CLSTN2: variants seen among roughly 807,000 people sequenced by gnomAD.
The protein encoded by CLSTN2 is calsyntenin-2.
A neutral mutation model predicts 101.2 loss-of-function variants in CLSTN2; 48 were observed. That is an observed-to-expected ratio of 0.47 (90% CI 0.38 to 0.60). The LOEUF is 0.60. Ranked by LOEUF, CLSTN2 falls within the 20% of genes least tolerant of loss-of-function variation. The pLI, the probability that CLSTN2 is intolerant of heterozygous loss-of-function variation, is 0.00. For missense variants in CLSTN2, 1,160 were observed against 1,238.2 expected (o/e 0.94, Z 0.95); for synonymous variants, 481 against 463.6 (o/e 1.04, Z -0.48).
At chr3:140,326,379 G>C (rs2087332361) in intron 2 of CLSTN2, among the ~76,000 whole-genome samples, 1 of 152,186 alleles carries the variant, frequency 6.6e-6, no homozygotes, top group Non-Finnish European at 1.5e-5. Context: ...GCTCTTATCT[G>C]TTGTATGCCT....
chr3:140,436,819 C>A (rs2088692492), intron 5 of CLSTN2, among the ~76,000 whole-genome samples: 1 of 152,210 alleles, frequency 6.6e-6, no homozygotes, highest in African/African-American at 2.4e-5. Flanking sequence ...AAAATGTGAA[C>A]TCACTTTCAG....
At chr3:140,074,673 A>G (rs932751190) in intron 1 of CLSTN2, among the ~76,000 whole-genome samples, 2 of 152,318 alleles carry the variant, frequency 1.3e-5, no homozygotes, top group Admixed American at 6.5e-5. Context: ...AAACAGAGGC[A>G]CAGAGATTTG....
At chr3:140,418,864 C>A (rs967971046) in intron 4 of CLSTN2, among the ~76,000 whole-genome samples, 3 of 152,072 alleles carry the variant, frequency 2.0e-5, no homozygotes, top group African/African-American at 7.2e-5. Flanking sequence ...CGTATTCCCT[C>A]CTGGACATCA....
chr3:140,213,042 A>G (rs955524141), intron 2 of CLSTN2, among the ~76,000 whole-genome samples: 2 of 152,244 alleles, frequency 1.3e-5, no homozygotes, highest in Admixed American at 1.3e-4. Context: ...TCAAGCAATT[A>G]AACTTCAAAT....
chr3:140,315,373 C>T (rs2087218640), intron 2 of CLSTN2, among the ~76,000 whole-genome samples: 1 of 152,216 alleles, frequency 6.6e-6, no homozygotes, highest in Non-Finnish European at 1.5e-5. Flanking sequence ...TTAGAAGAAA[C>T]TGTGTCAGCC....
chr3:140,090,525 T>C (rs2008760785), intron 1 of CLSTN2, among the ~76,000 whole-genome samples: 2 of 152,096 alleles, frequency 1.3e-5, no homozygotes, highest in Admixed American at 6.5e-5. Flanking sequence ...GATGGCCAAA[T>C]GCAGGTCAGT....
intron 2 of CLSTN2, among the ~76,000 whole-genome samples, chr3:140,337,606 C>T (rs906690503): frequency 2.0e-5 from 3 of 152,174 alleles, no homozygotes; most frequent in African/African-American, 7.2e-5. Flanking sequence ...AAGATGCTGC[C>T]TTCATGCCTG....
chr3:140,034,237 C>G (rs527506468), intron 1 of CLSTN2, among the ~76,000 whole-genome samples: 8 of 152,216 alleles, frequency 5.3e-5, no homozygotes, highest in African/African-American at 1.9e-4. Context: ...ATGCTTATAT[C>G]AAAGTCATAT....
At chr3:140,474,007 C>T (rs576755677) in intron 8 of CLSTN2, among the ~76,000 whole-genome samples, 5 of 152,126 alleles carry the variant, frequency 3.3e-5, no homozygotes, top group African/African-American at 4.8e-5. Context: ...ATCTCCTGAC[C>T]TTATGATCCA....
intron 2 of CLSTN2, among the ~76,000 whole-genome samples, chr3:140,259,957 A>G (rs1288971764): frequency 6.6e-6 from 1 of 151,924 alleles, no homozygotes; most frequent in African/African-American, 2.4e-5. Flanking sequence ...AGTAGACACC[A>G]GGAGCCTACT....
intron 2 of CLSTN2, among the ~76,000 whole-genome samples, chr3:140,217,648 G>A (rs1181001482): frequency 1.3e-5 from 2 of 152,200 alleles, no homozygotes; most frequent in East Asian, 1.9e-4. Context: ...TCTTGAGAAA[G>A]GGTTGACGTC....
intron 2 of CLSTN2, among the ~76,000 whole-genome samples, chr3:140,370,603 C>T (rs546203023): frequency 1.3e-5 from 2 of 152,252 alleles, no homozygotes; most frequent in South Asian, 2.1e-4. Context: ...ATGACCCCAG[C>T]ACAACTCCAC....
intron 7 of CLSTN2, among the ~76,000 whole-genome samples, 172 bp from the exon 8 acceptor site, chr3:140,466,438 G>A (rs1006840956): frequency 1.3e-5 from 2 of 152,150 alleles, no homozygotes; most frequent in Non-Finnish European, 2.9e-5. Flanking sequence ...CTTTGGAAGA[G>A]CTCTATCATG....
chr3:140,394,221 T>TAGA (rs1559857510), intron 2 of CLSTN2, among the ~76,000 whole-genome samples: 1 of 151,772 alleles, frequency 6.6e-6, no homozygotes, highest in African/African-American at 2.4e-5. Flanking sequence ...ATGATGACCA[T>TAGA]AGGACAATGG....
At chr3:140,252,814 G>A (rs150072346) in intron 2 of CLSTN2, among the ~76,000 whole-genome samples, 4 of 152,298 alleles carry the variant, frequency 2.6e-5, no homozygotes, top group African/African-American at 9.6e-5. Flanking sequence ...AAGGAAAGTA[G>A]CTCAGAGGCT....
chr3:140,525,672 T>C (rs1225635453), intron 8 of CLSTN2, among the ~76,000 whole-genome samples: 1 of 151,880 alleles, frequency 6.6e-6, no homozygotes, highest in African/African-American at 2.4e-5. Flanking sequence ...GATGTAAAAA[T>C]CCCCAATGAA....
At chr3:140,048,506 C>T (rs1295086232) in intron 1 of CLSTN2, among the ~76,000 whole-genome samples, 1 of 152,220 alleles carries the variant, frequency 6.6e-6, no homozygotes. Context: ...GGGGGCCAGG[C>T]ATTGTCCACA....
At chr3:139,950,520 T>C (rs1289621958) in intron 1 of CLSTN2, among the ~76,000 whole-genome samples, 1 of 152,198 alleles carries the variant, frequency 6.6e-6, no homozygotes, top group African/African-American at 2.4e-5. Flanking sequence ...CCTTTAGATA[T>C]CAAGGCTTGA....
intron 2 of CLSTN2, among the ~76,000 whole-genome samples, chr3:140,391,241 A>C (rs951179527): frequency 6.6e-6 from 1 of 152,150 alleles, no homozygotes; most frequent in African/African-American, 2.4e-5. Context: ...ACGGGGTTGC[A>C]GCTGCCCTCA....
Sources: allele counts gnomAD v4.1 joint callset (sites outside exome capture counted in the v4.1 genomes callset), GRCh38; gene constraint gnomAD v4.1.1; transcripts MANE v1.5; gene names NCBI Gene and HGNC (gene_info 2026-07-23, HGNC 2026-07-21).